Variants in MTERF1 observed in about 807,000 individuals in gnomAD.
The protein encoded by MTERF1 is transcription termination factor 1, mitochondrial.
Under a neutral mutation model 31.6 loss-of-function variants are expected in MTERF1, and 29 were observed. The observed-to-expected ratio is 0.92, with a 90% CI of 0.68 to 1.25. The LOEUF (loss-of-function observed/expected upper bound fraction) is 1.25, where lower values mean the gene tolerates loss of function less well. Ranked by LOEUF, MTERF1 falls within the 50% of genes most tolerant of loss-of-function variation. The pLI, the probability that MTERF1 is intolerant of heterozygous loss-of-function variation, is 0.00. For synonymous variants in MTERF1, 152 were observed against 164.1 expected (o/e 0.93, Z 0.57); for missense variants, 500 against 469.1 (o/e 1.07, Z -0.61).
rs905916918 is a variant in MTERF1 at position 91,870,975 on chromosome 7, T to G, written c.*2619A>C. 3 of 149,496 alleles carry G rather than the reference T, an allele frequency of 2.0e-5. No homozygotes were observed. The highest frequency in any genetic ancestry group is 4.4e-5 in the Non-Finnish European group (3 of 67,596). The allele number at this position is 149,496 out of a possible 1,614,324, so 9.3% of individuals were successfully genotyped here. ...ACTAGCAATGATATCTTGCTAGTAT[T>G]ACCCAGGCTGGTCTTGAACTCCTGG... On this transcript the variant is annotated 3_prime_UTR_variant, in exon 3 of 3. Transcript: ENST00000351870.
intron 1 of MTERF1, 185 bp from the exon 2 acceptor site, chr7:91,880,298 G>A: frequency 1.8e-6 from 1 of 548,566 alleles, no homozygotes; most frequent in Non-Finnish European, 3.2e-6. Context: ...TACATATGAT[G>A]GGAAAAGGTA....
rs779799819 is a variant in MTERF1, at chr7:91,874,680, T to C, written c.114A>G (p.Arg38=). 2.5e-6 allele frequency: 4 copies of C among 1,614,128 alleles called. No homozygotes were observed. The highest frequency in any genetic ancestry group is 2.2e-5 in the South Asian group (2 of 91,074). The stretch of plus-strand genomic sequence containing the variant: ...CTGCTGAAAATCGAGTCATCCAACA[T>C]CTTGAACCAAAGAGAAAGTTATTTC... ...HMRNNFLFGS[R]CWMTRFSAEN... The change falls in exon 3 of 3, where the codon AGA becomes AGG. Residue 38 remains arginine, a synonymous_variant. Coordinates refer to ENST00000351870, the MANE Select transcript of MTERF1 (RefSeq NM_006980.5).
chr7:91,878,159 C>G (rs1370028484), intron 2 of MTERF1, among the ~76,000 whole-genome samples: 1 of 152,136 alleles, frequency 6.6e-6, no homozygotes, highest in East Asian at 1.9e-4. Context: ...GAATCTAAAA[C>G]TAAGCTTTCT....
At position 91,872,693 on chromosome 7, in the gene MTERF1, T is replaced by C. The variant is rs2130291769; in HGVS notation, c.*901A>G. On this transcript the variant is annotated 3_prime_UTR_variant, in exon 3 of 3. Coordinates refer to ENST00000351870, the MANE Select transcript of MTERF1 (RefSeq NM_006980.5). ...AAACCACATCTAGAAAACAAATGCC[T>C]CTGGAAAACAATTAAAATTAAGGTC... 1 of 152,320 alleles carries C rather than the reference T, an allele frequency of 6.6e-6. No homozygotes were observed. Among genetic ancestry groups the C allele is most frequent in the East Asian group, 1.9e-4 (1 of 5,196 alleles). The allele number at this position is 152,320 out of a possible 1,614,324, so 9.4% of individuals were successfully genotyped here. A position where few individuals can be genotyped will look rare whatever the true frequency, so the allele number is the denominator to read the frequency against.
At position 91,874,500 on chromosome 7, in the gene MTERF1, A is replaced by G. The variant is rs763530123; in HGVS notation, c.294T>C (p.His98=). The part of the protein sequence containing the change: ...MARKRQPGVF[H]RMITNEQDLK... ...GGTCCTGCTCATTGGTAATCATCCT[A>G]TGAAAAACTCCAGGCTGTCGTTTCC... Residue 98 remains histidine (H), a synonymous_variant, in exon 3 of 3, where the codon CAT becomes CAC. Coordinates refer to ENST00000351870, the MANE Select transcript of MTERF1 (RefSeq NM_006980.5). 5.6e-6 allele frequency: 9 copies of G among 1,614,018 alleles called. No homozygotes were observed. In the East Asian group the frequency reaches 8.9e-5, roughly 16 times the overall value.
intron 1 of MTERF1, 69 bp downstream of exon 1, chr7:91,880,588 G>A: frequency 6.4e-6 from 1 of 156,042 alleles, no homozygotes; most frequent in Admixed American, 6.4e-5. Context: ...GCACTGTACA[G>A]CAGTCACCCA....
Position 91,873,710 on chromosome 7 carries a change from G to C in MTERF1, c.1084C>G (p.Arg362Gly). Residue 362 changes from arginine to glycine, a missense_variant, in exon 3 of 3, where the codon CGA becomes GGA. Physicochemically the swap from Arg to Gly is moderately radical, Grantham distance 125. Transcript: ENST00000351870. ...CCAGCATTTACCAATTCTTTGATTC[G>C]ACTTTTTAAAGTACTTATGCTTGAA... is the stretch of plus-strand genomic sequence containing the variant. ...LDSSISTLKS[R>G]IKELVNAGCN... is the part of the protein sequence containing the mutation. 5 of 1,613,896 alleles carry C rather than the reference G, an allele frequency of 3.1e-6. No homozygotes were observed. The highest frequency in any genetic ancestry group is 4.2e-6 in the Non-Finnish European group (5 of 1,179,954).
intron 2 of MTERF1, among the ~76,000 whole-genome samples, chr7:91,879,012 A>G (rs1789427137): frequency 6.6e-6 from 1 of 152,076 alleles, no homozygotes; most frequent in Non-Finnish European, 1.5e-5. Context: ...GCATGGTGAT[A>G]TATGTCTCTA....
Position 91,874,717 on chromosome 7 carries a change from A to G in MTERF1, c.77T>C (p.Leu26Pro). 6.2e-7 allele frequency: 1 copy of G among 1,613,768 alleles called. No individual in the cohort carries two copies. Among genetic ancestry groups the G allele is most frequent in the South Asian group, 1.1e-5 (1 of 90,990 alleles). ...GAGAAAGTTATTTCTCATATGCCAGAGGTTTCCTGGTGCCATAATGGTTAG... is the reference window on the plus strand; with the variant it reads ...GAGAAAGTTATTTCTCATATGCCAGGGGTTTCCTGGTGCCATAATGGTTAG... ...NYLTIMAPGN[L>P]WHMRNNFLFG... The change falls in exon 3 of 3, where the codon CTC becomes CCC. Residue 26 changes from leucine to proline, a missense_variant. Leu to Pro is a moderately conservative substitution (Grantham distance 98). Coordinates refer to ENST00000351870, the MANE Select transcript of MTERF1 (RefSeq NM_006980.5).
At chr7:91,877,672 T>C (rs1033086335) in intron 2 of MTERF1, among the ~76,000 whole-genome samples, 1 of 152,204 alleles carries the variant, frequency 6.6e-6, no homozygotes. Context: ...CTTCATTCTC[T>C]TTTACCCAGC....
chr7:91,878,964 G>A (rs184394868), intron 2 of MTERF1, among the ~76,000 whole-genome samples: 3 of 152,200 alleles, frequency 2.0e-5, no homozygotes, highest in East Asian at 1.9e-4. Context: ...CCAACATGAC[G>A]AAACCCCATC....
intron 2 of MTERF1, among the ~76,000 whole-genome samples, chr7:91,878,963 C>T (rs535427841): frequency 2.6e-4 from 40 of 152,134 alleles, no homozygotes; most frequent in African/African-American, 8.7e-4. Context: ...GCCAACATGA[C>T]GAAACCCCAT....
chr7:91,874,729 G>A lies in MTERF1; in HGVS notation c.65C>T (p.Ala22Val), dbSNP rs763467605. 5.6e-6 allele frequency: 9 copies of A among 1,613,032 alleles called. No individual in the cohort carries two copies. In the South Asian group the frequency reaches 8.8e-5, roughly 16 times the overall value. Residue 22 changes from alanine to valine, a missense_variant, in exon 3 of 3, where the codon GCA (alanine) becomes GTA (valine). Ala to Val is a moderately conservative substitution (Grantham distance 64, BLOSUM62 0). Coordinates refer to ENST00000351870, the MANE Select transcript of MTERF1 (RefSeq NM_006980.5). ...TCTCATATGCCAGAGGTTTCCTGGT[G>A]CCATAATGGTTAGGTAGTTCAAACC... ...SKGLNYLTIMAPGNLWHMRNN... is the reference protein window; with the variant it reads ...SKGLNYLTIMVPGNLWHMRNN...
In MTERF1 at chr7:91,873,971, A is replaced by G. The variant is rs150790142; in HGVS notation, c.823T>C (p.Cys275Arg). 2.5e-6 allele frequency: 4 copies of G among 1,614,088 alleles called. No individual in the cohort carries two copies. Among genetic ancestry groups the G allele is most frequent in the Middle Eastern group, 1.6e-4 (1 of 6,062 alleles). ...LNSEELLVLI[C>R]GPGAEILDLS... ...TCTAGGATTTCAGCTCCTGGACCAC[A>G]TATCAGAACCAGCAGTTCCTCACTG... Residue 275 changes from cysteine to arginine, a missense_variant, in exon 3 of 3, where the codon TGT becomes CGT. Coordinates refer to ENST00000351870, the MANE Select transcript of MTERF1 (RefSeq NM_006980.5).
chr7:91,880,197 G>T (rs1236619589), intron 1 of MTERF1, 84 bp from the exon 2 acceptor site: 7 of 1,113,292 alleles, frequency 6.3e-6, no homozygotes, highest in African/African-American at 6.2e-5. Flanking sequence ...CCCAGCTAAC[G>T]TTCTCGTTGC....
Position 91,873,525 on chromosome 7 carries a change from T to TA in MTERF1, c.*68_*69insT. The TA allele has an allele frequency of 7.6e-7, 1 of 1,315,668 alleles. No homozygotes were observed. The allele number at this position is 1,315,668 out of a possible 1,614,324, so 81.5% of individuals were successfully genotyped here. On this transcript the variant is annotated 3_prime_UTR_variant, in exon 3 of 3. Transcript: ENST00000351870. ...TTAATAACATTTTAAATTAATCACT[T>TA]CTGCAAAATTCTTTTGCAATGTGGC...
At chr7:91,877,716 C>A (rs1344467957) in intron 2 of MTERF1, among the ~76,000 whole-genome samples, 1 of 152,218 alleles carries the variant, frequency 6.6e-6, no homozygotes, top group African/African-American at 2.4e-5. Flanking sequence ...TCTCTGACAT[C>A]CATCACTCGA....
rs569691666 is a variant in MTERF1, at chr7:91,878,912, C to T, written c.29+1143G>A. Among the ~76,000 whole-genome samples the T allele has an allele frequency of 2.0e-5, 3 of 152,218 alleles. No homozygotes were observed. The South Asian group carries it at 6.2e-4, about 32-fold the overall frequency. On this transcript the variant is annotated intron_variant, in intron 2 of 2. Coordinates refer to ENST00000351870, the MANE Select transcript of MTERF1 (RefSeq NM_006980.5). ...CACAGTGGCTTCACACCTATAATCT[C>T]ACCACTTTGAGATGTTGGCCAGGAG... is the stretch of plus-strand genomic sequence containing the variant.
chr7:91,874,845 CA>C (rs1789304002), intron 2 of MTERF1, 81 bp from the exon 3 acceptor site: 1 of 1,001,460 alleles, frequency 1.0e-6, no homozygotes, highest in Non-Finnish European at 1.4e-6. Flanking sequence ...CTATAAGCAT[CA>C]TGGTCATTTC....
Sources: allele counts gnomAD v4.1 joint callset (sites outside exome capture counted in the v4.1 genomes callset), GRCh38; gene constraint gnomAD v4.1.1; transcripts MANE v1.5; gene names NCBI Gene and HGNC (gene_info 2026-07-23, HGNC 2026-07-21).